Variants in SMIM14 observed in about 807,000 individuals in gnomAD.
The protein encoded by SMIM14 is small integral membrane protein 14.
A neutral mutation model predicts 12.6 loss-of-function variants in SMIM14; 5 were observed. That is an observed-to-expected ratio of 0.40 (90% CI 0.21 to 0.83). SMIM14 has a LOEUF of 0.83. Ranked by LOEUF, SMIM14 falls within the 40% of genes least tolerant of loss-of-function variation. The probability of loss-of-function intolerance (pLI) is 0.37; values close to 1 mark genes in which losing one functional copy is unlikely to be tolerated. For synonymous variants in SMIM14, 30 were observed against 40.1 expected (o/e 0.75, Z 0.95); for missense variants, 86 against 119.1 (o/e 0.72, Z 1.29).
At chr4:39,556,362 T>A in intron 4 of SMIM14, 66 bp downstream of exon 4, 1 of 1,488,450 alleles carries the variant, frequency 6.7e-7, no homozygotes, top group Non-Finnish European at 9.1e-7. Flanking sequence ...CAAAACCAAG[T>A]CCTTCCCTGC....
At chr4:39,569,961 C>A (rs1216193503) in intron 3 of SMIM14, among the ~76,000 whole-genome samples, 1 of 152,066 alleles carries the variant, frequency 6.6e-6, no homozygotes, top group African/African-American at 2.4e-5. Context: ...TATTTACTTT[C>A]CCAGTTTCCT....
At chr4:39,625,233 A>G (rs2110078361) in intron 1 of SMIM14, among the ~76,000 whole-genome samples, 3 of 151,586 alleles carry the variant, frequency 2.0e-5, no homozygotes, top group South Asian at 2.1e-4. Flanking sequence ...AAAAAAAAAA[A>G]GAAAGAAAGA....
At chr4:39,575,976 C>A (rs1713149112) in intron 2 of SMIM14, among the ~76,000 whole-genome samples, 1 of 151,572 alleles carries the variant, frequency 6.6e-6, no homozygotes, top group Non-Finnish European at 1.5e-5. Context: ...TCACTGCAAC[C>A]TCCACCTCCC....
intron 2 of SMIM14, among the ~76,000 whole-genome samples, chr4:39,603,395 A>G (rs1456366325): frequency 6.6e-6 from 1 of 151,800 alleles, no homozygotes; most frequent in Non-Finnish European, 1.5e-5. Context: ...CATTTCTACT[A>G]AAAAATACAA....
At chr4:39,634,173 G>A (rs545006815) in intron 1 of SMIM14, among the ~76,000 whole-genome samples, 2 of 152,176 alleles carry the variant, frequency 1.3e-5, no homozygotes, top group African/African-American at 2.4e-5. Context: ...GTGATCCACC[G>A]GCCTCGGCTT....
At chr4:39,582,888 G>T (rs982956146) in intron 2 of SMIM14, among the ~76,000 whole-genome samples, 1 of 151,802 alleles carries the variant, frequency 6.6e-6, no homozygotes, top group Non-Finnish European at 1.5e-5. Flanking sequence ...TCCGCCTCCC[G>T]GGTCCAAAAT....
Position 39,576,680 on chromosome 4 carries a change from ATATATTTTTTTTTTTTTTTTTTTTTT to A in SMIM14, c.76-4243_76-4218del, listed in dbSNP as rs1560289762. On this transcript the variant is annotated intron_variant, in intron 2 of 4. Transcript: ENST00000295958. ...TATGTGTATATATATATATATATATATATATTTTTTTTTTTTTTTTTTTTTTTTTTTTTTTTTTTTTTTTGAGACGG... is the reference window on the plus strand; with the variant it reads ...TATGTGTATATATATATATATATATATTTTTTTTTTTTTTTTTTGAGACGG... Among the ~76,000 whole-genome samples, 179 of 30,632 alleles carry A rather than the reference ATATATTTTTTTTTTTTTTTTTTTTTT, an allele frequency of 5.8e-3. 2 individuals are homozygous for A. The highest frequency in any genetic ancestry group is 0.024 in the African/African-American group (172 of 7,106). The allele number at this position is 30,632 out of a possible 152,430, so 20.1% of individuals were successfully genotyped here.
At position 39,636,764 on chromosome 4, in the gene SMIM14, G is replaced by GT. The variant is rs559446550; in HGVS notation, c.-36+1974dup. Among the ~76,000 whole-genome samples, 1,068 of 152,214 alleles carry GT rather than the reference G, an allele frequency of 7.0e-3. 10 individuals carry two copies. The highest frequency in any genetic ancestry group is 0.017 in the Middle Eastern group (5 of 294). ...TAGTACAGAACCCTATATATGGACT[G>GT]TTTTTTTCCTATACACACCTACGAT... On this transcript the variant is annotated intron_variant, in intron 1 of 4. Coordinates refer to ENST00000295958, the MANE Select transcript of SMIM14 (RefSeq NM_174921.3).
chr4:39,562,823 T>TTTTTTTTTTTTTTTTTG (rs1553861780), intron 3 of SMIM14, among the ~76,000 whole-genome samples: 13 of 150,064 alleles, frequency 8.7e-5, no homozygotes, highest in Non-Finnish European at 1.6e-4. Flanking sequence ...TTTGTATTTT[T>TTTTTTTTTTTTTTTTTG]AGTAGAGACG....
intron 2 of SMIM14, chr4:39,588,003 TCTAA>T (rs1713869926): frequency 6.6e-6 from 1 of 152,248 alleles, no homozygotes; most frequent in Non-Finnish European, 1.5e-5. Flanking sequence ...ATGTAGACAT[TCTAA>T]CTGACAATAC....
At chr4:39,592,236 G>A (rs1376920032) in intron 2 of SMIM14, among the ~76,000 whole-genome samples, 1 of 148,402 alleles carries the variant, frequency 6.7e-6, no homozygotes, top group Middle Eastern at 3.5e-3. Flanking sequence ...TAGACAGATA[G>A]ATAGATAGTC....
chr4:39,553,629 T>C (rs982657992), intron 4 of SMIM14, among the ~76,000 whole-genome samples: 1 of 151,570 alleles, frequency 6.6e-6, no homozygotes, highest in African/African-American at 2.4e-5. Flanking sequence ...GTCTCGCTCT[T>C]GTTGCCCAGG....
chr4:39,599,192 A>T (rs1714497097), intron 2 of SMIM14, among the ~76,000 whole-genome samples: 1 of 152,200 alleles, frequency 6.6e-6, no homozygotes, highest in African/African-American at 2.4e-5. Context: ...AGAAGTCTAA[A>T]GTCGTTTAGA....
chr4:39,580,809 G>C lies in SMIM14; in HGVS notation c.76-8346C>G, dbSNP rs147061320. Among the ~76,000 whole-genome samples the C allele has an allele frequency of 5.3e-3, 800 of 152,236 alleles. 6 individuals are homozygous for C. Among genetic ancestry groups the C allele is most frequent in the African/African-American group, 0.018 (754 of 41,534 alleles). On this transcript the variant is annotated intron_variant, in intron 2 of 4. Coordinates refer to ENST00000295958, the MANE Select transcript of SMIM14 (RefSeq NM_174921.3). ...CAAAGTGCTGGGATTACAGGTGTGAGCTACCGCACCCAGCCCCTGTCTCTG... is the reference window on the plus strand; with the variant it reads ...CAAAGTGCTGGGATTACAGGTGTGACCTACCGCACCCAGCCCCTGTCTCTG...
chr4:39,554,561 T>C (rs1711899681), intron 4 of SMIM14, among the ~76,000 whole-genome samples: 1 of 151,374 alleles, frequency 6.6e-6, no homozygotes, highest in Non-Finnish European at 1.5e-5. Flanking sequence ...TGAGCTGAGA[T>C]TGTACCAATG....
intron 3 of SMIM14, among the ~76,000 whole-genome samples, chr4:39,564,777 G>A (rs2109995908): frequency 6.6e-6 from 1 of 152,350 alleles, no homozygotes; most frequent in South Asian, 2.1e-4. Context: ...GCTGTCAGTT[G>A]TGAGATTATC....
At chr4:39,609,563 T>A (rs886665035) in intron 1 of SMIM14, among the ~76,000 whole-genome samples, 4 of 151,988 alleles carry the variant, frequency 2.6e-5, no homozygotes, top group Non-Finnish European at 5.9e-5. Flanking sequence ...GTATGACATG[T>A]TGGAGGAACT....
At chr4:39,606,567 G>A (rs1271846120) in intron 1 of SMIM14, among the ~76,000 whole-genome samples, 1 of 151,132 alleles carries the variant, frequency 6.6e-6, no homozygotes, top group Non-Finnish European at 1.5e-5. Context: ...CTTGAATCCG[G>A]GAGGCAGATG....
intron 1 of SMIM14, 46 bp from the exon 2 acceptor site, chr4:39,605,226 C>T: frequency 9.2e-7 from 1 of 1,088,024 alleles, no homozygotes; most frequent in Admixed American, 2.3e-5. Flanking sequence ...TTCAGAATTA[C>T]TCTTTCTCTT....
Sources: allele counts gnomAD v4.1 joint callset (sites outside exome capture counted in the v4.1 genomes callset), GRCh38; gene constraint gnomAD v4.1.1; transcripts MANE v1.5; gene names NCBI Gene and HGNC (gene_info 2026-07-23, HGNC 2026-07-21).